The following NDFIP1 variants were observed in gnomAD, a reference collection of about 807,000 sequenced individuals.
The protein encoded by NDFIP1 is NEDD4 family-interacting protein 1.
NDFIP1 carries 7 observed loss-of-function variants against 28.8 expected under a neutral mutation model. The observed-to-expected ratio is 0.24, with a 90% confidence interval of 0.14 to 0.46. The LOEUF (loss-of-function observed/expected upper bound fraction) is 0.46, where lower values mean the gene tolerates loss of function less well. NDFIP1 is among the 20% of genes least tolerant of loss of function. The pLI is 0.99. For synonymous variants in NDFIP1, 92 were observed against 101.0 expected, an observed-to-expected ratio of 0.91 and a Z score of 0.53; for missense variants, 194 against 269.1, an observed-to-expected ratio of 0.72 and a Z score of 1.95.
chr5:142,146,945 G>A (rs1757395527), intron 7 of NDFIP1, among the ~76,000 whole-genome samples: 1 of 152,096 alleles, frequency 6.6e-6, no homozygotes, highest in Non-Finnish European at 1.5e-5. Context: ...TTTGAAGTAG[G>A]CAGTCCTTAG....
At chr5:142,121,517 AGTTT>A (rs771281370) in intron 1 of NDFIP1, among the ~76,000 whole-genome samples, 4 of 152,172 alleles carry the variant, frequency 2.6e-5, no homozygotes, top group Admixed American at 6.5e-5. Flanking sequence ...CTTTTTTGAA[AGTTT>A]GTTTGTTTCA....
At chr5:142,144,392 C>T in intron 6 of NDFIP1, 179 bp from the exon 7 acceptor site, 1 of 558,408 alleles carries the variant, frequency 1.8e-6, no homozygotes, top group East Asian at 3.0e-5. Flanking sequence ...TATACCTTCT[C>T]ATTGAAGGAT....
At chr5:142,116,204 T>A (rs904195915) in intron 1 of NDFIP1, among the ~76,000 whole-genome samples, 9 of 152,226 alleles carry the variant, frequency 5.9e-5, no homozygotes, top group Non-Finnish European at 1.0e-4. Flanking sequence ...ATGATTTTTC[T>A]GAATAACATA....
At chr5:142,132,859 G>T (rs1757240610) in intron 3 of NDFIP1, among the ~76,000 whole-genome samples, 1 of 152,204 alleles carries the variant, frequency 6.6e-6, no homozygotes, top group Non-Finnish European at 1.5e-5. Context: ...TGGAGATTGG[G>T]ATGCCATATA....
At chr5:142,132,449 A>G (rs1246814404) in intron 3 of NDFIP1, 107 bp downstream of exon 3, 15 of 1,361,642 alleles carry the variant, frequency 1.1e-5, no homozygotes, top group Admixed American at 2.4e-5. Flanking sequence ...TAGTGAAAGT[A>G]GAGCTAATTT....
rs745772278 is a variant in NDFIP1 at position 142,148,777 on chromosome 5, A to AAAAAAAAAAAG, written c.*3-2954_*3-2953insAAAAAAAAAAG. Among the ~76,000 whole-genome samples, 6 of 95,986 alleles carry AAAAAAAAAAAG rather than the reference A, an allele frequency of 6.3e-5. 2 individuals are homozygous for AAAAAAAAAAAG. The highest frequency in any genetic ancestry group is 8.6e-5 in the Non-Finnish European group (4 of 46,318). 63.0% of individuals were successfully genotyped at this position (95,986 alleles called of 152,430 possible). A position where few individuals can be genotyped will look rare whatever the true frequency, so the allele number is the denominator to read the frequency against. On this transcript the variant is annotated intron_variant, in intron 7 of 7. Coordinates refer to ENST00000253814, the MANE Select transcript of NDFIP1 (RefSeq NM_030571.4). ...AAAAAAAAAAAAAAAAAAAAAAAAA[A>AAAAAAAAAAAG]GTATGTGACTGAGGAAGCAGAAGAA...
At chr5:142,130,546 A>G (rs145677203) in intron 1 of NDFIP1, among the ~76,000 whole-genome samples, 79 of 152,290 alleles carry the variant, frequency 5.2e-4, no homozygotes, top group African/African-American at 1.4e-3. Flanking sequence ...ACATCACTTG[A>G]GGCCAGGAGT....
intron 7 of NDFIP1, 81 bp downstream of exon 7, chr5:142,144,757 T>TC (rs1757371263): frequency 9.1e-6 from 8 of 879,272 alleles, no homozygotes; most frequent in Non-Finnish European, 1.5e-5. Flanking sequence ...AGAGTAAGTA[T>TC]CTGTGATAGG....
At chr5:142,126,714 G>T (rs1472464542) in intron 1 of NDFIP1, among the ~76,000 whole-genome samples, 2 of 152,106 alleles carry the variant, frequency 1.3e-5, no homozygotes, top group Admixed American at 1.3e-4. Flanking sequence ...GTTGCCCCTT[G>T]CTTAGCCCTA....
chr5:142,120,708 T>C (rs962629428), intron 1 of NDFIP1, among the ~76,000 whole-genome samples: 3 of 152,230 alleles, frequency 2.0e-5, no homozygotes, highest in African/African-American at 7.2e-5. Flanking sequence ...GTCACTGTTC[T>C]GTCCCCAGAC....
intron 7 of NDFIP1, among the ~76,000 whole-genome samples, chr5:142,148,980 A>C (rs1329756222): frequency 6.6e-6 from 1 of 152,124 alleles, no homozygotes; most frequent in Non-Finnish European, 1.5e-5. Flanking sequence ...TTGATTGGTT[A>C]TATCTAACAC....
intron 6 of NDFIP1, 92 bp from the exon 7 acceptor site, chr5:142,144,479 A>G: frequency 1.1e-6 from 1 of 893,420 alleles, no homozygotes; most frequent in Non-Finnish European, 1.8e-6. Flanking sequence ...GCAGAAAAAT[A>G]ACAATGTATC....
chr5:142,120,644 TTG>T (rs1256639226), intron 1 of NDFIP1, among the ~76,000 whole-genome samples: 3 of 152,350 alleles, frequency 2.0e-5, no homozygotes, highest in Non-Finnish European at 4.4e-5. Flanking sequence ...GTGTAATTCT[TTG>T]TGTTTCATTT....
At chr5:142,121,570 T>A (rs1757122598) in intron 1 of NDFIP1, among the ~76,000 whole-genome samples, 1 of 152,218 alleles carries the variant, frequency 6.6e-6, no homozygotes, top group African/African-American at 2.4e-5. Context: ...AGAGAGCTGC[T>A]TTTGCCTTAG....
intron 1 of NDFIP1, among the ~76,000 whole-genome samples, chr5:142,114,613 A>G (rs952311898): frequency 3.3e-5 from 5 of 152,242 alleles, no homozygotes; most frequent in Non-Finnish European, 5.9e-5. Flanking sequence ...CCTAGAAATC[A>G]TATATTGATA....
intron 5 of NDFIP1, among the ~76,000 whole-genome samples, chr5:142,140,178 G>A (rs1284138895): frequency 6.6e-6 from 1 of 152,088 alleles, no homozygotes; most frequent in African/African-American, 2.4e-5. Context: ...GCTGGTCACG[G>A]TAGCTCACGC....
intron 1 of NDFIP1, among the ~76,000 whole-genome samples, chr5:142,126,102 T>C (rs1048434290): frequency 1.3e-5 from 2 of 152,210 alleles, no homozygotes; most frequent in African/African-American, 2.4e-5. Flanking sequence ...ATATATAAAG[T>C]AAATGTACAG....
intron 1 of NDFIP1, among the ~76,000 whole-genome samples, chr5:142,130,823 G>A (rs1757220127): frequency 6.6e-6 from 1 of 152,090 alleles, no homozygotes; most frequent in African/African-American, 2.4e-5. Flanking sequence ...AACTGTAAAT[G>A]TCTCATTCTA....
rs60681858 is a variant in NDFIP1 at position 142,148,750 on chromosome 5, C to CAA, written c.*3-2955_*3-2954dup. ...TGGGCGACAGAGCGAGACTCTGTCTCAAAAAAAAAAAAAAAAAAAAAAAAA... is the reference window on the plus strand; with the variant it reads ...TGGGCGACAGAGCGAGACTCTGTCTCAAAAAAAAAAAAAAAAAAAAAAAAAAA... On this transcript the variant is annotated intron_variant, in intron 7 of 7. Transcript: ENST00000253814. Among the ~76,000 whole-genome samples, 33 of 22,222 alleles carry CAA rather than the reference C, an allele frequency of 1.5e-3. 2 individuals are homozygous for CAA. Among genetic ancestry groups the CAA allele is most frequent in the East Asian group, 5.6e-3 (2 of 358 alleles). 14.6% of individuals were successfully genotyped at this position (22,222 alleles called of 152,430 possible).
Sources: gnomAD v4.1 joint callset for allele counts (sites outside exome capture counted in the v4.1 genomes callset) on GRCh38, gnomAD v4.1.1 for gene constraint, MANE v1.5 for transcripts, NCBI Gene and HGNC (gene_info 2026-07-23, HGNC 2026-07-21) for gene names.